The following TNRC6B variants were observed in gnomAD, a reference collection of about 807,000 sequenced individuals.
TNRC6B encodes trinucleotide repeat-containing gene 6B protein.
Under a neutral mutation model 203.6 loss-of-function variants are expected in TNRC6B, and 52 were observed. The ratio of observed to expected loss-of-function variants is 0.26; its 90% CI spans 0.20 to 0.32. The LOEUF is 0.32. Among genes scored for constraint, TNRC6B ranks in the 10% least tolerant of loss-of-function variants. TNRC6B has a pLI of 1.00. For missense variants in TNRC6B, 1,923 were observed against 2,286.2 expected, an observed-to-expected ratio of 0.84 and a Z score of 3.24; for synonymous variants, 838 against 845.7, an observed-to-expected ratio of 0.99 and a Z score of 0.16.
intron 4 of TNRC6B, 63 bp downstream of exon 4, chr22:40,262,236 T>C: frequency 3.8e-6 from 5 of 1,309,822 alleles, no homozygotes; most frequent in East Asian, 2.7e-5. Context: ...TTGTTTGCAT[T>C]GCTTGATGTA....
chr22:40,299,907 G>GA (rs1197280269), intron 12 of TNRC6B, among the ~76,000 whole-genome samples: 1 of 152,212 alleles, frequency 6.6e-6, no homozygotes, highest in African/African-American at 2.4e-5. Context: ...AGAACAGGGA[G>GA]AAGGACCCTG....
intron 4 of TNRC6B, among the ~76,000 whole-genome samples, chr22:40,169,423 C>T (rs1361583083): frequency 6.6e-6 from 1 of 152,176 alleles, no homozygotes; most frequent in Non-Finnish European, 1.5e-5. Flanking sequence ...AGTCACCACA[C>T]CTGGTCTGGA....
At chr22:40,305,147 A>G (rs750458787) in intron 15 of TNRC6B, among the ~76,000 whole-genome samples, 1 of 152,182 alleles carries the variant, frequency 6.6e-6, no homozygotes, top group Non-Finnish European at 1.5e-5. Flanking sequence ...AATGAGAGAG[A>G]GTAATTCTAG....
chr22:40,170,659 TTCA>T (rs1345571746), intron 4 of TNRC6B, among the ~76,000 whole-genome samples: 4 of 133,174 alleles, frequency 3.0e-5, no homozygotes, highest in East Asian at 2.2e-4. Flanking sequence ...ATATAAAATG[TTCA>T]TCACATTTGA....
At chr22:40,203,412 G>T (rs1165475682) in intron 1 of TNRC6B, among the ~76,000 whole-genome samples, 2 of 152,030 alleles carry the variant, frequency 1.3e-5, no homozygotes, top group Non-Finnish European at 2.9e-5. Context: ...AGTACTCCTT[G>T]CGTCTGCTTT....
rs1362227636 is a variant in TNRC6B at position 40,323,818 on chromosome 22, G to T, written c.*577G>T. 6.5e-6 allele frequency: 1 copy of T among 152,718 alleles called. No homozygotes were observed. The highest frequency in any genetic ancestry group is 1.5e-5 in the Non-Finnish European group (1 of 68,602). The allele number at this position is 152,718 out of a possible 1,614,324, so 9.5% of individuals were successfully genotyped here. ...AAAAAAAAGGAAAAAATTTGTGATT[G>T]GCTGGTTGATAAATACCAGTGTGTT... On this transcript the variant is annotated 3_prime_UTR_variant, in exon 23 of 23. Coordinates refer to ENST00000454349, the MANE Select transcript of TNRC6B (RefSeq NM_001162501.2).
chr22:40,068,971 T>G (rs2067922228), intron 1 of TNRC6B, among the ~76,000 whole-genome samples: 1 of 152,162 alleles, frequency 6.6e-6, no homozygotes, highest in African/African-American at 2.4e-5. Flanking sequence ...TTTTGATTAA[T>G]TTAGAATTCC....
intron 1 of TNRC6B, among the ~76,000 whole-genome samples, chr22:40,225,202 G>T (rs1341822533): frequency 6.6e-6 from 1 of 152,174 alleles, no homozygotes; most frequent in African/African-American, 2.4e-5. Context: ...CTTGGAAGAG[G>T]CATGTGCTTA....
At chr22:40,145,307 T>C (rs1481654786) in intron 3 of TNRC6B, among the ~76,000 whole-genome samples, 1 of 152,004 alleles carries the variant, frequency 6.6e-6, no homozygotes, top group Non-Finnish European at 1.5e-5. Context: ...AGTGTGTGTA[T>C]TTTTCTGCTT....
intron 6 of TNRC6B, among the ~76,000 whole-genome samples, chr22:40,271,764 C>T (rs374748765): frequency 2.0e-5 from 3 of 152,194 alleles, no homozygotes; most frequent in Non-Finnish European, 4.4e-5. Context: ...AAAATGTCTT[C>T]TACTCTTCAG....
chr22:40,125,947 AT>A, intron 3 of TNRC6B: 1 of 1,324,354 alleles, frequency 7.6e-7, no homozygotes, highest in Non-Finnish European at 1.0e-6. Flanking sequence ...TTCATTTTAC[AT>A]GACTGTAAAA....
intron 1 of TNRC6B, among the ~76,000 whole-genome samples, chr22:40,202,795 A>G (rs528949161): frequency 2.3e-4 from 35 of 152,246 alleles, no homozygotes; most frequent in African/African-American, 8.2e-4. Flanking sequence ...TGCAGGTGGA[A>G]GGAGCTCTGC....
Position 40,323,526 on chromosome 22 carries a change from C to A in TNRC6B, c.*285C>A. 1 of 264,452 alleles carries A rather than the reference C, an allele frequency of 3.8e-6. No individual in the cohort carries two copies. The highest frequency in any genetic ancestry group is 7.1e-6 in the Non-Finnish European group (1 of 140,528). The allele number at this position is 264,452 out of a possible 1,614,324, so 16.4% of individuals were successfully genotyped here. ...CTAGAAAGACAATGTGAAGCAAGTACACATACCATTTAAATTTAAACACAA... is the reference window on the plus strand; with the variant it reads ...CTAGAAAGACAATGTGAAGCAAGTAAACATACCATTTAAATTTAAACACAA... On this transcript the variant is annotated 3_prime_UTR_variant, in exon 23 of 23. Transcript: ENST00000454349.
chr22:40,263,523 A>T (rs1289395978), intron 4 of TNRC6B, among the ~76,000 whole-genome samples: 1 of 152,188 alleles, frequency 6.6e-6, no homozygotes, highest in Non-Finnish European at 1.5e-5. Flanking sequence ...ATTAAAACGG[A>T]GGAGGCCCCT....
intron 1 of TNRC6B, among the ~76,000 whole-genome samples, chr22:40,213,460 G>A (rs1269407982): frequency 6.6e-6 from 1 of 152,200 alleles, no homozygotes; most frequent in East Asian, 1.9e-4. Context: ...TGGTGTGGCA[G>A]ACCGAGGAGA....
chr22:40,152,434 C>A (rs576707704), intron 3 of TNRC6B, among the ~76,000 whole-genome samples: 6 of 152,346 alleles, frequency 3.9e-5, no homozygotes, highest in Non-Finnish European at 5.9e-5. Context: ...TCATGCCATT[C>A]TTCTGCCTCA....
intron 2 of TNRC6B, among the ~76,000 whole-genome samples, chr22:40,122,428 C>G (rs564737612): frequency 1.3e-4 from 20 of 152,076 alleles, no homozygotes; most frequent in African/African-American, 4.8e-4. Context: ...CACTGAACTT[C>G]ATAATAACAC....
Position 40,265,988 on chromosome 22 carries a change from T to A in TNRC6B, c.1758T>A (p.His586Gln). The part of the protein sequence containing the change: ...SNHKAGSSDS[H>Q]NSGRRSYRPT... ...ACAAAGCAGGAAGTAGTGACAGTCA[T>A]AACTCTGGCCGTCGGTCGTACAGGC... Residue 586 changes from histidine to glutamine, a missense_variant, in exon 5 of 23, where the codon CAT (histidine) becomes CAA (glutamine). His to Gln is a conservative substitution (Grantham distance 24, BLOSUM62 0). Around this residue, in one of 8 missense-constraint regions of TNRC6B, gnomAD observed 614 missense variants for 587.7 expected, o/e 1.04. Coordinates refer to ENST00000454349, the MANE Select transcript of TNRC6B (RefSeq NM_001162501.2). 3.7e-6 allele frequency: 6 copies of A among 1,613,898 alleles called. No homozygotes were observed. In the South Asian group the frequency reaches 4.4e-5, roughly 12 times the overall value.
rs1012642031 is a variant in TNRC6B, at chr22:40,236,565, G to A, written c.6-9450G>A. On this transcript the variant is annotated intron_variant, in intron 1 of 22. Coordinates refer to ENST00000454349, the MANE Select transcript of TNRC6B (RefSeq NM_001162501.2). ...TGGAGTTGGAACTAGGACCGAAGGT[G>A]CTGCCACACTTACTGATCACAGGGT... Among the ~76,000 whole-genome samples the A allele has an allele frequency of 5.3e-5, 8 of 152,206 alleles. No homozygotes were observed. The South Asian group carries it at 6.2e-4, about 12-fold the overall frequency.
Sources: gnomAD v4.1 joint callset for allele counts (sites outside exome capture counted in the v4.1 genomes callset) on GRCh38, gnomAD v4.1.1 for gene constraint, gnomAD v4.1.1 regional missense constraint, MANE v1.5 for transcripts, NCBI Gene and HGNC (gene_info 2026-07-23, HGNC 2026-07-21) for gene names.